INPP1: variants seen among roughly 807,000 people sequenced by gnomAD.
INPP1 encodes inositol polyphosphate 1-phosphatase.
In INPP1, 18 loss-of-function variants were observed where a neutral mutation model predicts 23.0. The ratio of observed to expected loss-of-function variants is 0.78; its 90% CI spans 0.54 to 1.16. INPP1 has a LOEUF of 1.16. Ranked by LOEUF, INPP1 falls within the 50% of genes most tolerant of loss-of-function variation. The pLI, the probability that INPP1 is intolerant of heterozygous loss-of-function variation, is 0.00. For synonymous variants in INPP1, 164 were observed against 176.3 expected (o/e 0.93, Z 0.55); for missense variants, 448 against 482.1 (o/e 0.93, Z 0.66).
rs1214998960 is a variant in INPP1, at chr2:190,347,007, CTTTTTTT to C, written c.-208-1865_-208-1859del. ...GCAAATTTGAATACCTTATTAGTAGCTTTTTTTTTTTTTTTTTTTTTTGAGACAGAGC... is the reference window on the plus strand; with the variant it reads ...GCAAATTTGAATACCTTATTAGTAGCTTTTTTTTTTTTTTTGAGACAGAGC... On this transcript the variant is annotated intron_variant, in intron 1 of 6. Coordinates refer to ENST00000392329, the MANE Select transcript of INPP1 (RefSeq NM_001128928.2). Among the ~76,000 whole-genome samples the C allele has an allele frequency of 1.4e-4, 16 of 116,036 alleles. No individual in the cohort carries two copies. The South Asian group carries it at 4.0e-3, about 29-fold the overall frequency. 76.1% of individuals were successfully genotyped at this position (116,036 alleles called of 152,430 possible).
chr2:190,370,118 C>A (rs2124947185), intron 6 of INPP1, among the ~76,000 whole-genome samples: 1 of 152,292 alleles, frequency 6.6e-6, no homozygotes. Context: ...GAACAATATG[C>A]AGACATAATC....
Position 190,367,179 on chromosome 2 carries a change from C to A in INPP1, c.466+284C>A, listed in dbSNP as rs2067446. ...CACACATGCAAAGATGAATTAACTT[C>A]TCTTCAAAAGACTTCAGGGACCAGA... On this transcript the variant is annotated intron_variant, in intron 5 of 6. Coordinates refer to ENST00000392329, the MANE Select transcript of INPP1 (RefSeq NM_001128928.2). This position sits in a 1 kb window ranked among gnomAD's most constrained non-coding sequence, Gnocchi z 4.1. Among the ~76,000 whole-genome samples, 99,196 of 151,964 alleles carry A rather than the reference C, an allele frequency of 0.65. 33,297 individuals carry two copies. The highest frequency in any genetic ancestry group is 0.78 in the African/African-American group (32,343 of 41,456).
rs79023621 is a variant in INPP1 at position 190,355,627 on chromosome 2, T to C, written c.-64-4412T>C. On this transcript the variant is annotated intron_variant, in intron 2 of 6. Coordinates refer to ENST00000392329, the MANE Select transcript of INPP1 (RefSeq NM_001128928.2). This position sits in a 1 kb window ranked among gnomAD's most constrained non-coding sequence, Gnocchi z 5.1. ...ATACAGGTAACTCTCAGAACATCCA[T>C]TGAGAAATACTAATCAAAAGGAATT... Among the ~76,000 whole-genome samples the C allele has an allele frequency of 0.016, 2,446 of 152,296 alleles. 54 individuals are homozygous for C. Among genetic ancestry groups the C allele is most frequent in the African/African-American group, 0.057 (2,352 of 41,558 alleles).
Position 190,371,237 on chromosome 2 carries a change from G to GCAAGC in INPP1, c.1036_1037insAAGCC (p.Leu346GlnfsTer42), listed in dbSNP as rs749204510. ...GCTTAGAAAGAAATCCAGAAACAGG[G>GCAAGC]CTTGATTTGCCACAGTTGGTGTACC... On this transcript the variant is annotated frameshift_variant, in exon 7 of 7. Coordinates refer to ENST00000392329, the MANE Select transcript of INPP1 (RefSeq NM_001128928.2). LOFTEE classifies it low-confidence loss of function (END_TRUNC). The surrounding 1 kb of genome is among the most constrained non-coding windows in gnomAD (Gnocchi z 5.3). The GCAAGC allele has an allele frequency of 1.9e-6, 3 of 1,613,166 alleles. No homozygotes were observed. The African/African-American group carries it at 4.0e-5, about 22-fold the overall frequency.
chr2:190,371,168 C>T lies in INPP1; in HGVS notation c.966C>T (p.Ala322=). ...TFKWDSCAAH[A]ILRAMGGGIV... ...AATGGGACTCTTGTGCTGCTCATGC[C>T]ATACTGAGGGCCATGGGTGGGGGAA... Residue 322 remains alanine, a synonymous_variant, in exon 7 of 7, where the codon GCC becomes GCT. Coordinates refer to ENST00000392329, the MANE Select transcript of INPP1 (RefSeq NM_001128928.2). This position sits in a 1 kb window ranked among gnomAD's most constrained non-coding sequence, Gnocchi z 5.3. 6.2e-7 allele frequency: 1 copy of T among 1,614,156 alleles called. No individual in the cohort carries two copies. The highest frequency in any genetic ancestry group is 8.5e-7 in the Non-Finnish European group (1 of 1,180,020).
intron 3 of INPP1, among the ~76,000 whole-genome samples, chr2:190,360,512 G>T (rs2067406): frequency 6.6e-6 from 1 of 151,860 alleles, no homozygotes; most frequent in Non-Finnish European, 1.5e-5. Flanking sequence ...TACAGAAAAT[G>T]AAATAAGAAA....
Position 190,370,874 on chromosome 2 carries a change from T to G in INPP1, c.672T>G (p.Ser224=). ...RWKGQCYWGL[S]YMGTNMHSLQ... The stretch of plus-strand genomic sequence containing the variant: ...AAGGACAGTGCTATTGGGGCCTTTC[T>G]TACATGGGGACCAACATGCATTCAC... Residue 224 remains serine (S), a synonymous_variant, in exon 7 of 7, where the codon TCT becomes TCG. Coordinates refer to ENST00000392329, the MANE Select transcript of INPP1 (RefSeq NM_001128928.2). 2 of 1,613,234 alleles carry G rather than the reference T, an allele frequency of 1.2e-6. No individual in the cohort carries two copies. The highest frequency in any genetic ancestry group is 1.7e-6 in the Non-Finnish European group (2 of 1,179,366).
intron 2 of INPP1, among the ~76,000 whole-genome samples, chr2:190,351,567 T>C: frequency 6.6e-6 from 1 of 152,252 alleles, no homozygotes; most frequent in East Asian, 1.9e-4. Context: ...TGGCACAGCA[T>C]ATATCTTTTG....
chr2:190,371,549 A>G lies in INPP1; in HGVS notation c.*147A>G, dbSNP rs1048644390. 1.9e-6 allele frequency: 1 copy of G among 515,386 alleles called. No individual in the cohort carries two copies. 31.9% of individuals were successfully genotyped at this position (515,386 alleles called of 1,614,324 possible). A position where few individuals can be genotyped will look rare whatever the true frequency, so the allele number is the denominator to read the frequency against. On this transcript the variant is annotated 3_prime_UTR_variant, in exon 7 of 7. Transcript: ENST00000392329. This position sits in a 1 kb window ranked among gnomAD's most constrained non-coding sequence, Gnocchi z 5.3. ...TATTTTTCCATTATGTATTCATAAT[A>G]ATGTTAATTTCAATAAATGACATTC...
chr2:190,354,709 T>G lies in INPP1; in HGVS notation c.-64-5330T>G, dbSNP rs1285620930. Among the ~76,000 whole-genome samples, 1 of 152,188 alleles carries G rather than the reference T, an allele frequency of 6.6e-6. No individual in the cohort carries two copies. The highest frequency in any genetic ancestry group is 1.5e-5 in the Non-Finnish European group (1 of 68,044). On this transcript the variant is annotated intron_variant, in intron 2 of 6. Coordinates refer to ENST00000392329, the MANE Select transcript of INPP1 (RefSeq NM_001128928.2). This position sits in a 1 kb window ranked among gnomAD's most constrained non-coding sequence, Gnocchi z 4.8. ...GTTAAGCTACCCAGTCTTAACAAAC[T>G]AACACCAGAAGAATTAGGTATTGGG...
chr2:190,344,350 GT>G (rs1689176777), intron 1 of INPP1: 1 of 152,676 alleles, frequency 6.5e-6, no homozygotes. Context: ...TGATCTGACA[GT>G]TGTCCAGAGC....
intron 3 of INPP1, among the ~76,000 whole-genome samples, chr2:190,361,282 A>G (rs1223228461): frequency 2.0e-5 from 3 of 152,212 alleles, no homozygotes; most frequent in Non-Finnish European, 4.4e-5. Flanking sequence ...TAATCTAACC[A>G]TTACATTTGG....
chr2:190,364,779 T>G (rs1689611776), intron 4 of INPP1, among the ~76,000 whole-genome samples: 1 of 151,716 alleles, frequency 6.6e-6, no homozygotes, highest in Non-Finnish European at 1.5e-5. Context: ...TTTTTTATAC[T>G]TTTATTAGAG....
chr2:190,347,799 TAACTTAA>T (rs957850703), intron 1 of INPP1, among the ~76,000 whole-genome samples: 8 of 152,334 alleles, frequency 5.3e-5, no homozygotes, highest in African/African-American at 1.9e-4. Context: ...AAGGAAAGCA[TAACTTAA>T]ATTGATGCCA....
intron 1 of INPP1, among the ~76,000 whole-genome samples, chr2:190,344,614 GA>G (rs1185835808): frequency 6.6e-6 from 1 of 152,160 alleles, no homozygotes; most frequent in East Asian, 1.9e-4. Flanking sequence ...GTGGTAGCTG[GA>G]AAAAAATATT....
chr2:190,371,444 A>T lies in INPP1; in HGVS notation c.*42A>T. On this transcript the variant is annotated 3_prime_UTR_variant, in exon 7 of 7. Transcript: ENST00000392329. This position sits in a 1 kb window ranked among gnomAD's most constrained non-coding sequence, Gnocchi z 5.3. ...GTGTACCTGTATAAACTGAACTGTGAAACTGTTTCGGTTATCTCTGTCTTT... is the reference window on the plus strand; with the variant it reads ...GTGTACCTGTATAAACTGAACTGTGTAACTGTTTCGGTTATCTCTGTCTTT... 2.1e-6 allele frequency: 3 copies of T among 1,425,672 alleles called. No homozygotes were observed. The highest frequency in any genetic ancestry group is 2.8e-6 in the Non-Finnish European group (3 of 1,068,524). The allele number at this position is 1,425,672 out of a possible 1,614,324, so 88.3% of individuals were successfully genotyped here. A position where few individuals can be genotyped will look rare whatever the true frequency, so the allele number is the denominator to read the frequency against.
Position 190,363,874 on chromosome 2 carries a change from G to A in INPP1, c.265+1187G>A, listed in dbSNP as rs1689583658. The stretch of plus-strand genomic sequence containing the variant: ...ACATCCATTTTCCTGTTTGTTAAAA[G>A]GGCAGAGAAATGTGGAGAGAGGAAG... On this transcript the variant is annotated intron_variant, in intron 4 of 6. Coordinates refer to ENST00000392329, the MANE Select transcript of INPP1 (RefSeq NM_001128928.2). This position sits in a 1 kb window ranked among gnomAD's most constrained non-coding sequence, Gnocchi z 4.4. 6.6e-6 allele frequency among the ~76,000 whole-genome samples: 1 copy of A among 152,154 alleles called. No individual in the cohort carries two copies. The highest frequency in any genetic ancestry group is 6.6e-5 in the Admixed American group (1 of 15,266).
intron 2 of INPP1, among the ~76,000 whole-genome samples, chr2:190,350,002 G>A (rs139703012): frequency 0.046 from 6,959 of 152,100 alleles, 246 homozygotes; most frequent in African/African-American, 0.057. Context: ...GCGCCACCAC[G>A]CCTGGCTAAT....
At position 190,368,850 on chromosome 2, in the gene INPP1, C is replaced by T; in HGVS notation, c.467-253C>T. On this transcript the variant is annotated intron_variant, in intron 5 of 6. Transcript: ENST00000392329. This position sits in a 1 kb window ranked among gnomAD's most constrained non-coding sequence, Gnocchi z 4.3. ...TTGATAAGTAACAAATATTTGAATG[C>T]CTGTTATATACAAATTGCTATGCCA... 1 of 270,674 alleles carries T rather than the reference C, an allele frequency of 3.7e-6. No individual in the cohort carries two copies. Among genetic ancestry groups the T allele is most frequent in the Non-Finnish European group, 6.9e-6 (1 of 145,108 alleles). The allele number at this position is 270,674 out of a possible 1,614,324, so 16.8% of individuals were successfully genotyped here.
Sources: gnomAD v4.1 joint callset for allele counts (sites outside exome capture counted in the v4.1 genomes callset) on GRCh38, gnomAD v4.1.1 for gene constraint, Gnocchi (gnomAD v3.1) non-coding constraint, MANE v1.5 for transcripts, NCBI Gene and HGNC (gene_info 2026-07-23, HGNC 2026-07-21) for gene names.